Variants in NRDC observed in about 807,000 individuals in gnomAD.
NRDC encodes nardilysin convertase.
Under a neutral mutation model 147.1 loss-of-function variants are expected in NRDC, and 54 were observed. The ratio of observed to expected loss-of-function variants is 0.37; its 90% CI spans 0.29 to 0.46. The LOEUF (loss-of-function observed/expected upper bound fraction) is 0.46. Among genes scored for constraint, NRDC ranks in the 20% least tolerant of loss-of-function variants. The pLI is 1.00. For synonymous variants in NRDC, 440 were observed against 482.1 expected (o/e 0.91, Z 1.14); for missense variants, 1,082 against 1,370.6 (o/e 0.79, Z 3.33).
At chr1:51,823,905 A>G (rs561682515) in intron 6 of NRDC, 119 bp from the exon 7 acceptor site, 1 of 576,212 alleles carries the variant, frequency 1.7e-6, no homozygotes, top group Admixed American at 3.2e-5. Flanking sequence ...AAGGGACTCA[A>G]GAATATTGAA....
At position 51,814,733 on chromosome 1, in the gene NRDC, G is replaced by A; in HGVS notation, c.1520C>T (p.Ser507Phe). The change falls in exon 12 of 31, where the codon TCT becomes TTT. Residue 507 changes from serine (S) to phenylalanine (F), a missense_variant. This residue lies in a region of NRDC where 635 missense variants were observed against 923.8 expected (regional missense o/e 0.69). Transcript: ENST00000352171. ...ATAACCCTCATCAGTCAATGTAATA[G>A]AAATGCTGAACACTGAATAAGTAGA... The part of the protein sequence containing the change: ...QNSTYSVFSI[S>F]ITLTDEGYEH... 6.2e-7 allele frequency: 1 copy of A among 1,611,922 alleles called. No homozygotes were observed. The highest frequency in any genetic ancestry group is 2.2e-5 in the East Asian group (1 of 44,838).
In NRDC at chr1:51,814,098, G is replaced by A. The variant is rs370683663; in HGVS notation, c.1620-9C>T. The A allele has an allele frequency of 2.6e-6, 4 of 1,555,610 alleles. No homozygotes were observed. The highest frequency in any genetic ancestry group is 3.4e-4 in the Middle Eastern group (2 of 5,948). Reference sequence around the variant, plus strand: ...GAATCTCTTCAAAAATTCTGTGAAGGAGAAAACTATAATTAGAAGATACAT... The same window carrying A: ...GAATCTCTTCAAAAATTCTGTGAAGAAGAAAACTATAATTAGAAGATACAT... On this transcript the variant is annotated splice_polypyrimidine_tract_variant and intron_variant, in intron 13 of 30. Coordinates refer to ENST00000352171, the MANE Select transcript of NRDC (RefSeq NM_001101662.2).
intron 2 of NRDC, among the ~76,000 whole-genome samples, chr1:51,836,944 C>CTTT (rs201636652): frequency 8.6e-5 from 11 of 128,206 alleles, no homozygotes; most frequent in African/African-American, 2.9e-4. Context: ...ATGATTGGGA[C>CTTT]TTTTTTTTTT....
rs1681201269 is a variant in NRDC, at chr1:51,840,270, A to G, written c.586T>C (p.Leu196=). The part of the protein sequence containing the change: ...LDTEDNELEE[L]EERAEARKKT... Reference sequence around the variant, plus strand: ...TTTCTAGCTTCTGCTCTCTCTTCTAATTCTTCCAATTCATTATCCTCAGTA... The same window carrying G: ...TTTCTAGCTTCTGCTCTCTCTTCTAGTTCTTCCAATTCATTATCCTCAGTA... Residue 196 remains leucine, a synonymous_variant, in exon 2 of 31, where the codon TTA becomes CTA. Coordinates refer to ENST00000352171, the MANE Select transcript of NRDC (RefSeq NM_001101662.2). The G allele has an allele frequency of 2.5e-6, 4 of 1,609,010 alleles. No homozygotes were observed. In the East Asian group the frequency reaches 8.9e-5, roughly 36 times the overall value.
At chr1:51,796,242 C>T (rs368379870) in intron 22 of NRDC, among the ~76,000 whole-genome samples, 1 of 151,492 alleles carries the variant, frequency 6.6e-6, no homozygotes, top group Non-Finnish European at 1.5e-5. Context: ...TCACTCCCAA[C>T]TCTTTTTTTT....
rs137955496 is a variant in NRDC, at chr1:51,792,860, C to T, written c.2776-436G>A. Among the ~76,000 whole-genome samples, 157 of 152,266 alleles carry T rather than the reference C, an allele frequency of 1.0e-3. 1 individual carries two copies. Among genetic ancestry groups the T allele is most frequent in the African/African-American group, 3.6e-3 (148 of 41,560 alleles). On this transcript the variant is annotated intron_variant, in intron 24 of 30. Coordinates refer to ENST00000352171, the MANE Select transcript of NRDC (RefSeq NM_001101662.2). ...CAAGAACCAGTGCCACATAAAAGGA[C>T]CAAAACCAGTTGATAAGAAAAATAC...
intron 21 of NRDC, chr1:51,799,096 TAGA>T (rs1260792035): frequency 2.0e-5 from 3 of 152,208 alleles, no homozygotes; most frequent in African/African-American, 7.2e-5. Flanking sequence ...TTTAATAAAA[TAGA>T]AGGTTGTGTT....
At chr1:51,797,989 C>T (rs1037760816) in intron 22 of NRDC, 4 of 390,734 alleles carry the variant, frequency 1.0e-5, no homozygotes, top group African/African-American at 4.0e-5. Flanking sequence ...GGACTGGTCT[C>T]GAAATCCTGA....
intron 24 of NRDC, 133 bp from the exon 25 acceptor site, chr1:51,792,557 G>T: frequency 1.3e-6 from 1 of 767,292 alleles, no homozygotes; most frequent in Non-Finnish European, 2.2e-6. Flanking sequence ...ATCATACTTT[G>T]ATGTTGTTTA....
intron 7 of NRDC, among the ~76,000 whole-genome samples, chr1:51,822,392 T>C (rs1409778416): frequency 1.3e-5 from 2 of 152,194 alleles, no homozygotes; most frequent in Non-Finnish European, 1.5e-5. Flanking sequence ...ATCAAAACTC[T>C]AGCCTAGGCA....
chr1:51,795,370 G>C, intron 22 of NRDC: 1 of 382,418 alleles, frequency 2.6e-6, no homozygotes, highest in South Asian at 3.1e-5. Context: ...TAAGGACTCT[G>C]TATCAAAAGC....
At chr1:51,839,986 A>G (rs1681185366) in intron 2 of NRDC, 1 of 362,980 alleles carries the variant, frequency 2.8e-6, no homozygotes, top group Non-Finnish European at 4.9e-6. Flanking sequence ...TGAGAGATAT[A>G]GCTATGGGTG....
intron 1 of NRDC, among the ~76,000 whole-genome samples, chr1:51,851,690 G>C (rs539214550): frequency 7.2e-5 from 11 of 151,932 alleles, no homozygotes; most frequent in African/African-American, 2.4e-4. Flanking sequence ...CTAAACAATT[G>C]CTTTTACAAA....
Position 51,812,047 on chromosome 1 carries a change from G to C in NRDC, c.1726C>G (p.Pro576Ala), listed in dbSNP as rs763107247. Residue 576 changes from proline to alanine, a missense_variant, in exon 15 of 31, where the codon CCA (proline) becomes GCA (alanine). Coordinates refer to ENST00000352171, the MANE Select transcript of NRDC (RefSeq NM_001101662.2). ...TCTCCAGTGAGAATGTCCTGCAATG[G>C]GTACAGCTGCATGTTCTCACACATG... Reference protein sequence around the residue: ...ENMCENMQLYPLQDILTGDQL... With the variant: ...ENMCENMQLYALQDILTGDQL... 2 of 1,613,934 alleles carry C rather than the reference G, an allele frequency of 1.2e-6. No individual in the cohort carries two copies. Among genetic ancestry groups the C allele is most frequent in the Non-Finnish European group, 1.7e-6 (2 of 1,179,908 alleles).
chr1:51,800,321 C>A (rs1048729264), intron 21 of NRDC, among the ~76,000 whole-genome samples: 2 of 152,266 alleles, frequency 1.3e-5, no homozygotes. Context: ...GGTGAAAACA[C>A]CCTTCCTTAC....
chr1:51,815,303 T>G (rs1164373308), intron 11 of NRDC, among the ~76,000 whole-genome samples: 10 of 151,688 alleles, frequency 6.6e-5, no homozygotes, highest in Admixed American at 6.6e-4. Flanking sequence ...ATTACAGGCG[T>G]GAGCCACCGC....
At chr1:51,835,207 G>A (rs1170441759) in intron 3 of NRDC, among the ~76,000 whole-genome samples, 1 of 151,830 alleles carries the variant, frequency 6.6e-6, no homozygotes, top group East Asian at 1.9e-4. Context: ...AACTCTAGGT[G>A]TGCGCCACCA....
rs190176901 is a variant in NRDC at position 51,860,286 on chromosome 1, G to A, written c.341+17989C>T. 2.4e-4 allele frequency among the ~76,000 whole-genome samples: 37 copies of A among 152,230 alleles called. 1 individual carries two copies. The South Asian group carries it at 5.4e-3, about 22-fold the overall frequency. On this transcript the variant is annotated intron_variant, in intron 1 of 30. Transcript: ENST00000352171. ...TAGATAGGGTTGATTTTCCCATTCC[G>A]TAAGTTTTTCTTTCTGAAGAATAAA... is the stretch of plus-strand genomic sequence containing the variant.
rs778187019 is a variant in NRDC, at chr1:51,794,532, T to A, written c.2715A>T (p.Leu905=). 6.2e-7 allele frequency: 1 copy of A among 1,614,148 alleles called. No individual in the cohort carries two copies. Among genetic ancestry groups the A allele is most frequent in the Admixed American group, 1.7e-5 (1 of 60,030 alleles). ...QVVELPSGHH[L]CKVKALNKGD... ...CCTTGTTCAGAGCTTTCACTTTGCATAGATGGTGGCCACTGGGCAGCTCTA... is the reference window on the plus strand; with the variant it reads ...CCTTGTTCAGAGCTTTCACTTTGCAAAGATGGTGGCCACTGGGCAGCTCTA... Residue 905 remains leucine, a synonymous_variant, in exon 24 of 31, where the codon CTA becomes CTT. Transcript: ENST00000352171.
Sources: allele counts gnomAD v4.1 joint callset (sites outside exome capture counted in the v4.1 genomes callset), GRCh38; gene constraint gnomAD v4.1.1; regional missense constraint gnomAD v4.1.1; transcripts MANE v1.5; gene names NCBI Gene and HGNC (gene_info 2026-07-23, HGNC 2026-07-21).